ANO2: variants seen among roughly 807,000 people sequenced by gnomAD.
ANO2 encodes the protein anoctamin 2.
A neutral mutation model predicts 124.2 loss-of-function variants in ANO2; 101 were observed. The observed-to-expected ratio is 0.81, with a 90% CI of 0.69 to 0.96. The LOEUF (loss-of-function observed/expected upper bound fraction) is 0.96, where lower values mean the gene tolerates loss of function less well. Among genes scored for constraint, ANO2 ranks in the 40% least tolerant of loss-of-function variants. ANO2 has a pLI of 0.00. For synonymous variants in ANO2, 486 were observed against 482.5 expected (o/e 1.01, Z -0.09); for missense variants, 1,293 against 1,274.5 (o/e 1.01, Z -0.22).
At chr12:5,936,304 G>A (rs11063931) in intron 1 of ANO2, among the ~76,000 whole-genome samples, 7,312 of 152,090 alleles carry the variant, frequency 0.048, 615 homozygotes, top group African/African-American at 0.16. Context: ...GATGTGTCAC[G>A]GTTTGACTAT....
At chr12:5,613,965 G>A (rs975516766) in intron 17 of ANO2, among the ~76,000 whole-genome samples, 2 of 152,224 alleles carry the variant, frequency 1.3e-5, no homozygotes, top group Non-Finnish European at 2.9e-5. Context: ...CAGCCAAGGG[G>A]AGAGGTCCTG....
At chr12:5,817,625 A>G (rs573131357) in intron 7 of ANO2, among the ~76,000 whole-genome samples, 1 of 152,318 alleles carries the variant, frequency 6.6e-6, no homozygotes, top group African/African-American at 2.4e-5. Flanking sequence ...CACAGGCAGG[A>G]CATTCAGGAA....
chr12:5,651,939 T>C (rs1946934488), intron 14 of ANO2, among the ~76,000 whole-genome samples: 1 of 152,264 alleles, frequency 6.6e-6, no homozygotes, highest in South Asian at 2.1e-4. Flanking sequence ...TGTTCGTTTT[T>C]ATTGCTGAAT....
At position 5,862,765 on chromosome 12, in the gene ANO2, G is replaced by C. The variant is rs905165947; in HGVS notation, c.535-8624C>G. Reference sequence around the variant, plus strand: ...GTGAATAAGCTCACAAGATCTGATGGTTTTATAAGGGAAAACCTCTTTCTT... The same window carrying C: ...GTGAATAAGCTCACAAGATCTGATGCTTTTATAAGGGAAAACCTCTTTCTT... On this transcript the variant is annotated intron_variant, in intron 3 of 24. Coordinates refer to ENST00000682330, the MANE Select transcript of ANO2 (RefSeq NM_001364791.2). The surrounding 1 kb of genome is among the most constrained non-coding windows in gnomAD (Gnocchi z 4.0). 2.6e-5 allele frequency among the ~76,000 whole-genome samples: 4 copies of C among 152,086 alleles called. No individual in the cohort carries two copies. Among genetic ancestry groups the C allele is most frequent in the African/African-American group, 9.7e-5 (4 of 41,414 alleles).
chr12:5,732,872 A>C (rs530215223), intron 13 of ANO2: 50 of 1,613,920 alleles, frequency 3.1e-5, no homozygotes, highest in Non-Finnish European at 4.0e-5. Flanking sequence ...AAACCTGGGC[A>C]CGTTCCTGGG....
intron 20 of ANO2, among the ~76,000 whole-genome samples, chr12:5,596,477 G>C (rs1943665920): frequency 6.6e-6 from 1 of 152,156 alleles, no homozygotes; most frequent in African/African-American, 2.4e-5. Context: ...GTTCTCTTCT[G>C]TTTTCAAGAT....
At chr12:5,664,407 C>A (rs995889545) in intron 14 of ANO2, among the ~76,000 whole-genome samples, 4 of 152,188 alleles carry the variant, frequency 2.6e-5, no homozygotes, top group Admixed American at 2.0e-4. Context: ...ATCCATCCAT[C>A]CATACATGCA....
Position 5,785,572 on chromosome 12 carries a change from T to C in ANO2, c.1055+13935A>G, listed in dbSNP as rs551641187. ...TGGTTTATGTCACTGGTTGTGCAGA[T>C]AAGAGCCCCAGTTACCATGAAGAGC... On this transcript the variant is annotated intron_variant, in intron 10 of 24. Transcript: ENST00000682330. Among the ~76,000 whole-genome samples the C allele has an allele frequency of 2.0e-5, 3 of 152,230 alleles. No individual in the cohort carries two copies. The East Asian group carries it at 5.8e-4, about 29-fold the overall frequency.
chr12:5,582,786 C>T (rs1210560071), intron 20 of ANO2, among the ~76,000 whole-genome samples: 1 of 152,174 alleles, frequency 6.6e-6, no homozygotes, highest in Non-Finnish European at 1.5e-5. Context: ...AGCCTTGGTA[C>T]ATGCCACTAC....
chr12:5,881,812 A>T (rs1938521078), intron 3 of ANO2: 1 of 152,266 alleles, frequency 6.6e-6, no homozygotes, highest in South Asian at 2.1e-4. Context: ...TTGTTAAACA[A>T]ACAATGTGTC....
chr12:5,620,405 G>A (rs932673656), intron 16 of ANO2, among the ~76,000 whole-genome samples: 57 of 152,300 alleles, frequency 3.7e-4, no homozygotes, highest in African/African-American at 1.3e-3. Flanking sequence ...ATCCTTTGGC[G>A]CTACTTTGCA....
At chr12:5,712,982 T>C (rs1321862644) in intron 14 of ANO2, among the ~76,000 whole-genome samples, 3 of 152,040 alleles carry the variant, frequency 2.0e-5, no homozygotes, top group African/African-American at 7.2e-5. Context: ...TCTCCTAAAC[T>C]CTGGAGAGCA....
chr12:5,755,033 C>T (rs1184234088), intron 10 of ANO2, among the ~76,000 whole-genome samples: 1 of 152,008 alleles, frequency 6.6e-6, no homozygotes, highest in African/African-American at 2.4e-5. Flanking sequence ...TTAAATGTAG[C>T]CATTTACCAC....
At chr12:5,843,172 G>T (rs561811136) in intron 4 of ANO2, among the ~76,000 whole-genome samples, 1 of 152,270 alleles carries the variant, frequency 6.6e-6, no homozygotes, top group South Asian at 2.1e-4. Flanking sequence ...ATAATAACAA[G>T]AATCTGTCCA....
At chr12:5,690,349 A>C (rs762955147) in intron 14 of ANO2, among the ~76,000 whole-genome samples, 9 of 152,176 alleles carry the variant, frequency 5.9e-5, no homozygotes, top group Non-Finnish European at 1.3e-4. Flanking sequence ...TAAAAAAACA[A>C]AGCCAAATAA....
intron 3 of ANO2, among the ~76,000 whole-genome samples, chr12:5,874,984 T>C (rs1489542226): frequency 6.6e-6 from 1 of 152,090 alleles, no homozygotes; most frequent in East Asian, 1.9e-4. Flanking sequence ...CAAAAGTAGG[T>C]GGGAAGCTGG....
intron 14 of ANO2, among the ~76,000 whole-genome samples, chr12:5,730,247 A>T (rs73253241): frequency 0.14 from 21,433 of 152,082 alleles, 1,607 homozygotes; most frequent in Middle Eastern, 0.23. Context: ...ATAAAATTAA[A>T]TCTCAATAAA....
chr12:5,701,482 C>T (rs550867003), intron 14 of ANO2, among the ~76,000 whole-genome samples: 2 of 152,314 alleles, frequency 1.3e-5, no homozygotes, highest in African/African-American at 4.8e-5. Flanking sequence ...GGTGTCCAGA[C>T]AGGCTTTCCT....
At chr12:5,615,326 T>A (rs529727349) in intron 16 of ANO2, 29 bp from the exon 17 acceptor site, 1 of 1,566,732 alleles carries the variant, frequency 6.4e-7, no homozygotes. Flanking sequence ...GCTGATGAGA[T>A]TGGGGTGAGA....
Sources: allele counts gnomAD v4.1 joint callset (sites outside exome capture counted in the v4.1 genomes callset), GRCh38; gene constraint gnomAD v4.1.1; non-coding constraint Gnocchi (gnomAD v3.1); transcripts MANE v1.5; gene names NCBI Gene and HGNC (gene_info 2026-07-23, HGNC 2026-07-21).